Variants in GADL1 observed in about 807,000 individuals in gnomAD.
The protein encoded by GADL1 is acidic amino acid decarboxylase GADL1.
In GADL1, 71 loss-of-function variants were observed where a neutral mutation model predicts 69.5. The observed-to-expected ratio is 1.02, with a 90% confidence interval of 0.84 to 1.25. GADL1 has a LOEUF of 1.25. Among genes scored for constraint, GADL1 ranks in the 50% most tolerant of loss-of-function variants. GADL1 has a pLI of 0.00. For missense variants in GADL1, 737 were observed against 631.8 expected, an observed-to-expected ratio of 1.17 and a Z score of -1.79; for synonymous variants, 254 against 214.4, an observed-to-expected ratio of 1.18 and a Z score of -1.62.
intron 1 of GADL1, among the ~76,000 whole-genome samples, chr3:30,885,140 G>A (rs73065054): frequency 0.16 from 24,215 of 151,938 alleles, 2,347 homozygotes; most frequent in Admixed American, 0.3. Context: ...TAATTCTGGC[G>A]TGTTCCTTAG....
intron 1 of GADL1, among the ~76,000 whole-genome samples, chr3:30,888,480 G>C (rs769837499): frequency 6.6e-6 from 1 of 152,162 alleles, no homozygotes; most frequent in Non-Finnish European, 1.5e-5. Context: ...GAAGGAGAGA[G>C]AAGAGGGGTG....
At chr3:30,857,617 C>T (rs1698249758) in intron 2 of GADL1, among the ~76,000 whole-genome samples, 1 of 151,968 alleles carries the variant, frequency 6.6e-6, no homozygotes, top group South Asian at 2.1e-4. Context: ...CCTATGCAGT[C>T]TGCTATCGAC....
chr3:30,862,304 T>A (rs1373607655), intron 1 of GADL1, among the ~76,000 whole-genome samples: 1 of 151,856 alleles, frequency 6.6e-6, no homozygotes, highest in East Asian at 1.9e-4. Flanking sequence ...GGAACAGGAG[T>A]TAGGCATTTG....
chr3:30,843,508 A>C (rs1056192322), intron 8 of GADL1, among the ~76,000 whole-genome samples: 6 of 152,226 alleles, frequency 3.9e-5, no homozygotes, highest in Non-Finnish European at 7.4e-5. Flanking sequence ...TGCCCGCCTC[A>C]GCCTCCCAAA....
At chr3:30,858,496 T>C (rs1420855819) in intron 2 of GADL1, among the ~76,000 whole-genome samples, 1 of 151,982 alleles carries the variant, frequency 6.6e-6, no homozygotes, top group East Asian at 1.9e-4. Flanking sequence ...TTTTTAGAGA[T>C]ATTTAAAATG....
rs555839385 is a variant in GADL1 at position 30,754,589 on chromosome 3, C to A, written c.1392+23590G>T. 4.2e-4 allele frequency among the ~76,000 whole-genome samples: 64 copies of A among 151,534 alleles called. No individual in the cohort carries two copies. In the South Asian group the frequency reaches 6.9e-3, roughly 16 times the overall value. On this transcript the variant is annotated intron_variant, in intron 14 of 14. Coordinates refer to ENST00000282538, the MANE Select transcript of GADL1 (RefSeq NM_207359.3). ...CCTCAATGGCTAAATATTTAAGCTTCATGGAGTTTGGAAGATAGTTGACTG... is the reference window on the plus strand; with the variant it reads ...CCTCAATGGCTAAATATTTAAGCTTAATGGAGTTTGGAAGATAGTTGACTG...
intron 14 of GADL1, among the ~76,000 whole-genome samples, chr3:30,749,904 T>C (rs1695775832): frequency 6.6e-6 from 1 of 152,178 alleles, no homozygotes; most frequent in Admixed American, 6.5e-5. Flanking sequence ...TAAACTGTGA[T>C]GGAGATTTAA....
At chr3:30,761,579 T>C (rs795442) in intron 14 of GADL1, among the ~76,000 whole-genome samples, 64,274 of 151,960 alleles carry the variant, frequency 0.42, 13,655 homozygotes, top group Non-Finnish European at 0.44. Context: ...CTGAAGCTGA[T>C]CTTTGTTCTG....
At chr3:30,735,212 AACC>A (rs1695525440) in intron 14 of GADL1, among the ~76,000 whole-genome samples, 1 of 127,554 alleles carries the variant, frequency 7.8e-6, no homozygotes, top group African/African-American at 4.8e-5. Flanking sequence ...TATACAATTT[AACC>A]TTCTACGGCA....
intron 11 of GADL1, among the ~76,000 whole-genome samples, chr3:30,829,400 T>C (rs964830341): frequency 1.3e-5 from 2 of 151,802 alleles, no homozygotes; most frequent in Non-Finnish European, 2.9e-5. Flanking sequence ...AGGTACAAAT[T>C]GGGGAATTAG....
chr3:30,855,874 G>C (rs968878150), intron 3 of GADL1, among the ~76,000 whole-genome samples: 7 of 143,548 alleles, frequency 4.9e-5, no homozygotes, highest in African/African-American at 1.8e-4. Flanking sequence ...AAAAAAACAA[G>C]TCTCAAAAGA....
intron 9 of GADL1, 28 bp from the exon 10 acceptor site, chr3:30,834,309 A>G: frequency 6.3e-7 from 1 of 1,587,486 alleles, no homozygotes; most frequent in Non-Finnish European, 8.6e-7. Context: ...GTACCAGAAC[A>G]ATGTTATTTC....
At chr3:30,811,658 C>T (rs1368272565) in intron 11 of GADL1, among the ~76,000 whole-genome samples, 1 of 152,078 alleles carries the variant, frequency 6.6e-6, no homozygotes, top group Non-Finnish European at 1.5e-5. Flanking sequence ...GGAGTGCATA[C>T]TGATTTTTTC....
intron 14 of GADL1, among the ~76,000 whole-genome samples, chr3:30,759,302 T>C (rs1189453291): frequency 6.6e-6 from 1 of 152,182 alleles, no homozygotes; most frequent in Non-Finnish European, 1.5e-5. Flanking sequence ...CCAGAGTATA[T>C]TCTACTCCCT....
At chr3:30,840,145 A>G (rs1010384962) in intron 8 of GADL1, among the ~76,000 whole-genome samples, 6 of 151,966 alleles carry the variant, frequency 3.9e-5, no homozygotes, top group Non-Finnish European at 8.8e-5. Flanking sequence ...GCATGGAGCC[A>G]TTTTTTCCCC....
At chr3:30,758,679 T>G (rs1696041921) in intron 14 of GADL1, among the ~76,000 whole-genome samples, 1 of 152,224 alleles carries the variant, frequency 6.6e-6, no homozygotes, top group Admixed American at 6.5e-5. Flanking sequence ...TATTCCTGGA[T>G]TCTTATCACT....
At chr3:30,826,076 T>C (rs4955340) in intron 11 of GADL1, among the ~76,000 whole-genome samples, 1 of 151,878 alleles carries the variant, frequency 6.6e-6, no homozygotes, top group African/African-American at 2.4e-5. Flanking sequence ...AAATTTTTCT[T>C]TTACGTTCAT....
intron 11 of GADL1, among the ~76,000 whole-genome samples, chr3:30,818,324 A>G (rs1250914518): frequency 6.6e-6 from 1 of 152,224 alleles, no homozygotes; most frequent in South Asian, 2.1e-4. Context: ...AAGTTTTAAA[A>G]TTATATCACT....
At chr3:30,842,667 A>G (rs1483734124) in intron 8 of GADL1, among the ~76,000 whole-genome samples, 1 of 152,150 alleles carries the variant, frequency 6.6e-6, no homozygotes, top group Non-Finnish European at 1.5e-5. Context: ...ATAGGAATTT[A>G]TGTAAAAAGA....
Sources: allele counts gnomAD v4.1 joint callset (sites outside exome capture counted in the v4.1 genomes callset), GRCh38; gene constraint gnomAD v4.1.1; transcripts MANE v1.5; gene names NCBI Gene and HGNC (gene_info 2026-07-23, HGNC 2026-07-21).